CDK14: variants seen among roughly 807,000 people sequenced by gnomAD.
CDK14 encodes the protein cyclin-dependent kinase 14.
In CDK14, 34 loss-of-function variants were observed where a neutral mutation model predicts 60.7. The observed-to-expected ratio is 0.56, with a 90% CI of 0.43 to 0.75. The LOEUF (loss-of-function observed/expected upper bound fraction) is 0.75, where lower values mean the gene tolerates loss of function less well. CDK14 is among the 30% of genes least tolerant of loss of function. CDK14 has a pLI of 0.00. For missense variants in CDK14, 482 were observed against 564.1 expected (o/e 0.85, Z 1.47); for synonymous variants, 197 against 203.7 (o/e 0.97, Z 0.28).
At chr7:91,026,413 T>A (rs1163353255) in intron 10 of CDK14, among the ~76,000 whole-genome samples, 1 of 152,052 alleles carries the variant, frequency 6.6e-6, no homozygotes, top group Non-Finnish European at 1.5e-5. Context: ...TAATCCAGAG[T>A]GAAAACAACT....
chr7:90,663,790 T>C (rs1380257990), intron 2 of CDK14, among the ~76,000 whole-genome samples: 1 of 152,234 alleles, frequency 6.6e-6, no homozygotes, highest in East Asian at 1.9e-4. Context: ...ATACTGAGTT[T>C]TCAGTGAAAA....
chr7:90,970,035 C>T (rs1055423265), intron 9 of CDK14, among the ~76,000 whole-genome samples: 2 of 150,580 alleles, frequency 1.3e-5, no homozygotes, highest in Non-Finnish European at 2.9e-5. Context: ...GGCACAATCT[C>T]GGCTCATTGC....
intron 2 of CDK14, among the ~76,000 whole-genome samples, chr7:90,725,239 C>T (rs2116704493): frequency 6.6e-6 from 1 of 152,178 alleles, no homozygotes; most frequent in Middle Eastern, 3.4e-3. Flanking sequence ...CCAAAAATTG[C>T]TAATCTTGCC....
rs75367924 is a variant in CDK14 at position 90,701,750 on chromosome 7, C to G, written c.124-24817C>G. 0.016 allele frequency among the ~76,000 whole-genome samples: 2,461 copies of G among 152,222 alleles called. 155 individuals are homozygous for G. In the East Asian group the frequency reaches 0.18, roughly 11 times the overall value. ...AGATTTATTGGGAAGAGAAGTATTG[C>G]AGGATAGAAACAAGAGCTGAACAAC... On this transcript the variant is annotated intron_variant, in intron 2 of 14. Transcript: ENST00000380050.
chr7:90,811,782 C>G (rs1467892943), intron 5 of CDK14, among the ~76,000 whole-genome samples: 1 of 152,084 alleles, frequency 6.6e-6, no homozygotes, highest in African/African-American at 2.4e-5. Flanking sequence ...AAAAAACAAA[C>G]AACCCCATCA....
rs530607393 is a variant in CDK14 at position 90,803,696 on chromosome 7, T to C, written c.544+13044T>C. Among the ~76,000 whole-genome samples, 19 of 152,312 alleles carry C rather than the reference T, an allele frequency of 1.2e-4. No homozygotes were observed. In the East Asian group the frequency reaches 3.1e-3, roughly 25 times the overall value. ...TGGTGCAGTTTAGATAACAGGTGTTTGTTGTATCTAAATTGAGAACTTTAC... is the reference window on the plus strand; with the variant it reads ...TGGTGCAGTTTAGATAACAGGTGTTCGTTGTATCTAAATTGAGAACTTTAC... On this transcript the variant is annotated intron_variant, in intron 5 of 14. Transcript: ENST00000380050.
chr7:91,104,210 C>G (rs1445732571), intron 12 of CDK14, among the ~76,000 whole-genome samples: 2 of 151,978 alleles, frequency 1.3e-5, no homozygotes, highest in Non-Finnish European at 2.9e-5. Flanking sequence ...TTGAGTACAC[C>G]CCCACCAACC....
At chr7:90,925,806 A>G (rs553488008) in intron 8 of CDK14, among the ~76,000 whole-genome samples, 1 of 152,374 alleles carries the variant, frequency 6.6e-6, no homozygotes, top group East Asian at 1.9e-4. Context: ...ATAGAATCAT[A>G]TCATTGGGAA....
chr7:90,625,746 G>A (rs1327668050), intron 2 of CDK14, among the ~76,000 whole-genome samples: 1 of 152,164 alleles, frequency 6.6e-6, no homozygotes, highest in Non-Finnish European at 1.5e-5. Context: ...GGCTGGCAGA[G>A]GTCCAGATTT....
chr7:90,858,508 T>C (rs970452336), intron 5 of CDK14, among the ~76,000 whole-genome samples: 10 of 152,196 alleles, frequency 6.6e-5, no homozygotes, highest in Admixed American at 1.3e-4. Context: ...CAACCTGAGG[T>C]ATTAACTTGA....
At chr7:90,878,189 G>T (rs1301083354) in intron 6 of CDK14, among the ~76,000 whole-genome samples, 2 of 152,026 alleles carry the variant, frequency 1.3e-5, no homozygotes, top group Non-Finnish European at 2.9e-5. Context: ...CAGACACAGA[G>T]ATATAGTGGC....
At chr7:90,973,833 T>C (rs571712675) in intron 9 of CDK14, among the ~76,000 whole-genome samples, 1 of 152,168 alleles carries the variant, frequency 6.6e-6, no homozygotes, top group Admixed American at 6.5e-5. Context: ...AGGGCAAAAT[T>C]AGAATTACTG....
chr7:91,128,247 G>T (rs1300148626), intron 14 of CDK14, among the ~76,000 whole-genome samples: 3 of 152,172 alleles, frequency 2.0e-5, no homozygotes, highest in Non-Finnish European at 4.4e-5. Context: ...TGTGTAATGT[G>T]AATAGGAATC....
chr7:90,825,676 T>G (rs1789697997), intron 5 of CDK14, among the ~76,000 whole-genome samples: 1 of 152,226 alleles, frequency 6.6e-6, no homozygotes. Context: ...CGAAATGTAT[T>G]TCTTACTAAC....
intron 10 of CDK14, among the ~76,000 whole-genome samples, chr7:91,002,180 A>G (rs1308475343): frequency 6.6e-6 from 1 of 152,150 alleles, no homozygotes; most frequent in Non-Finnish European, 1.5e-5. Context: ...ATAATGCCAA[A>G]TTTCCCCTGT....
chr7:90,766,651 C>T (rs1414232936), intron 4 of CDK14, among the ~76,000 whole-genome samples: 1 of 152,146 alleles, frequency 6.6e-6, no homozygotes, highest in Non-Finnish European at 1.5e-5. Flanking sequence ...TCTTACCCTA[C>T]CCTTCTGTCA....
intron 2 of CDK14, among the ~76,000 whole-genome samples, chr7:90,673,992 T>C (rs538039630): frequency 2.0e-5 from 3 of 152,364 alleles, no homozygotes; most frequent in African/African-American, 7.2e-5. Flanking sequence ...TCAGTTGTGC[T>C]GATTGCATTG....
intron 12 of CDK14, among the ~76,000 whole-genome samples, chr7:91,108,441 A>G (rs1238037564): frequency 6.6e-6 from 1 of 152,228 alleles, no homozygotes; most frequent in Admixed American, 6.5e-5. Context: ...AATCTTATCA[A>G]TATATAAGGA....
chr7:90,703,852 A>G (rs951713981), intron 2 of CDK14, among the ~76,000 whole-genome samples: 2 of 152,176 alleles, frequency 1.3e-5, no homozygotes, highest in Non-Finnish European at 2.9e-5. Flanking sequence ...TTGGGAGGCC[A>G]AGGAGGGTGG....
Sources: allele counts gnomAD v4.1 joint callset (sites outside exome capture counted in the v4.1 genomes callset), GRCh38; gene constraint gnomAD v4.1.1; transcripts MANE v1.5; gene names NCBI Gene and HGNC (gene_info 2026-07-23, HGNC 2026-07-21).